The following EXOC6B variants were observed in gnomAD, a reference collection of about 807,000 sequenced individuals.
EXOC6B encodes the protein exocyst complex component 6B, also known as SEC15 homolog B.
In EXOC6B, 54 loss-of-function variants were observed where a neutral mutation model predicts 113.5. The ratio of observed to expected loss-of-function variants is 0.48; its 90% CI spans 0.38 to 0.60. EXOC6B has a LOEUF of 0.60. Ranked by LOEUF, EXOC6B falls within the 20% of genes least tolerant of loss-of-function variation. The pLI is 0.00. For missense variants in EXOC6B, 797 were observed against 977.5 expected (o/e 0.82, Z 2.46); for synonymous variants, 357 against 339.0 (o/e 1.05, Z -0.58).
At chr2:72,747,504 T>C (rs2104839004) in intron 1 of EXOC6B, among the ~76,000 whole-genome samples, 1 of 152,180 alleles carries the variant, frequency 6.6e-6, no homozygotes, top group East Asian at 1.9e-4. Flanking sequence ...TCTTTGATAG[T>C]GATGCAATCC....
intron 6 of EXOC6B, among the ~76,000 whole-genome samples, chr2:72,630,505 A>G (rs1672318967): frequency 1.3e-5 from 2 of 152,156 alleles, no homozygotes; most frequent in African/African-American, 4.8e-5. Context: ...TCCCGGAGTT[A>G]ACTGAATATG....
chr2:72,198,042 C>T (rs952807091), intron 20 of EXOC6B, among the ~76,000 whole-genome samples: 8 of 152,108 alleles, frequency 5.3e-5, no homozygotes, highest in Middle Eastern at 3.2e-3. Context: ...ATTCCCAGAG[C>T]GTTCTCTCAT....
intron 8 of EXOC6B, among the ~76,000 whole-genome samples, chr2:72,537,649 T>C (rs367687126): frequency 4.6e-5 from 7 of 151,870 alleles, no homozygotes; most frequent in East Asian, 3.9e-4. Context: ...TACATATATA[T>C]GGAGATTTTC....
At chr2:72,787,413 T>C (rs912433861) in intron 1 of EXOC6B, among the ~76,000 whole-genome samples, 1 of 151,896 alleles carries the variant, frequency 6.6e-6, no homozygotes, top group Non-Finnish European at 1.5e-5. Context: ...TTGGCTAGGC[T>C]GGTCTCGAAC....
At chr2:72,209,049 C>A (rs780746439) in intron 20 of EXOC6B, among the ~76,000 whole-genome samples, 7 of 151,670 alleles carry the variant, frequency 4.6e-5, no homozygotes, top group Non-Finnish European at 8.8e-5. Flanking sequence ...CATGGAGAAA[C>A]CCCATCTCTA....
chr2:72,407,057 C>A (rs1398657327), intron 18 of EXOC6B, among the ~76,000 whole-genome samples: 7 of 152,138 alleles, frequency 4.6e-5, no homozygotes, highest in Non-Finnish European at 7.3e-5. Flanking sequence ...CACAGAAATA[C>A]AAACTACCAT....
At chr2:72,548,587 G>T (rs1022646517) in intron 8 of EXOC6B, among the ~76,000 whole-genome samples, 1 of 152,118 alleles carries the variant, frequency 6.6e-6, no homozygotes, top group Non-Finnish European at 1.5e-5. Flanking sequence ...CTGATATTGT[G>T]TAACAGTCCC....
chr2:72,542,710 C>T (rs1357857543), intron 8 of EXOC6B, among the ~76,000 whole-genome samples: 2 of 152,162 alleles, frequency 1.3e-5, no homozygotes, highest in Non-Finnish European at 2.9e-5. Context: ...CCTTTTCTCC[C>T]TTATATGATC....
At chr2:72,222,577 C>G (rs1680946343) in intron 20 of EXOC6B, among the ~76,000 whole-genome samples, 1 of 152,014 alleles carries the variant, frequency 6.6e-6, no homozygotes, top group Non-Finnish European at 1.5e-5. Flanking sequence ...CTGGAGAGAG[C>G]ACATAACCTT....
Position 72,715,175 on chromosome 2 carries a change from C to T in EXOC6B, c.669+2928G>A, listed in dbSNP as rs768073195. 1.4e-4 allele frequency among the ~76,000 whole-genome samples: 22 copies of T among 152,018 alleles called. 1 individual carries two copies. Among genetic ancestry groups the T allele is most frequent in the Middle Eastern group, 6.8e-3 (2 of 294 alleles). On this transcript the variant is annotated intron_variant, in intron 6 of 21. Transcript: ENST00000272427. ...CCGAGAGGCAGAGCTTGCAGTGAGC[C>T]GAGATTGCACCAATGCACTCCAGCC...
chr2:72,406,235 C>T (rs1693751271), intron 18 of EXOC6B, among the ~76,000 whole-genome samples: 1 of 152,114 alleles, frequency 6.6e-6, no homozygotes, highest in African/African-American at 2.4e-5. Context: ...GAGACTTAGA[C>T]TCCCACACAA....
At chr2:72,500,584 T>A (rs1411579564) in intron 11 of EXOC6B, among the ~76,000 whole-genome samples, 1 of 115,102 alleles carries the variant, frequency 8.7e-6, no homozygotes, top group African/African-American at 2.5e-5. Flanking sequence ...GATTAAACAA[T>A]AAAGAGAAAA....
chr2:72,769,807 A>G (rs1196364344), intron 1 of EXOC6B, among the ~76,000 whole-genome samples: 1 of 152,124 alleles, frequency 6.6e-6, no homozygotes, highest in Non-Finnish European at 1.5e-5. Context: ...GCAAGACTCC[A>G]TCTCAAAAAT....
intron 7 of EXOC6B, among the ~76,000 whole-genome samples, chr2:72,573,389 C>G (rs1377668890): frequency 6.6e-6 from 1 of 152,186 alleles, no homozygotes; most frequent in Non-Finnish European, 1.5e-5. Flanking sequence ...TGTGCAACTA[C>G]TGTGACTGAT....
In EXOC6B at chr2:72,177,052, C is replaced by A. The variant is rs563129788; in HGVS notation, c.*2283G>T. The A allele has an allele frequency of 6.6e-6, 1 of 152,292 alleles. No individual in the cohort carries two copies. Among genetic ancestry groups the A allele is most frequent in the African/African-American group, 2.4e-5 (1 of 41,560 alleles). The allele number at this position is 152,292 out of a possible 1,614,324, so 9.4% of individuals were successfully genotyped here. A position where few individuals can be genotyped will look rare whatever the true frequency, so the allele number is the denominator to read the frequency against. On this transcript the variant is annotated 3_prime_UTR_variant, in exon 22 of 22. Coordinates refer to ENST00000272427, the MANE Select transcript of EXOC6B (RefSeq NM_015189.3). ...CCCACCAAGAGTATGTCTCTACATA[C>A]AACTCAGTAGCTGCATGTTGTTTTT...
intron 18 of EXOC6B, among the ~76,000 whole-genome samples, chr2:72,435,857 C>T (rs1010928545): frequency 6.6e-6 from 1 of 151,954 alleles, no homozygotes; most frequent in Non-Finnish European, 1.5e-5. Context: ...ATCCAATTTG[C>T]CAGTCTGTGT....
At chr2:72,181,748 T>C (rs1185393693) in intron 21 of EXOC6B, among the ~76,000 whole-genome samples, 1 of 152,086 alleles carries the variant, frequency 6.6e-6, no homozygotes, top group African/African-American at 2.4e-5. Flanking sequence ...TCTTGGCCAT[T>C]AAGACCTGGA....
intron 1 of EXOC6B, among the ~76,000 whole-genome samples, chr2:72,758,493 A>G (rs1682572335): frequency 6.6e-6 from 1 of 152,152 alleles, no homozygotes; most frequent in South Asian, 2.1e-4. Flanking sequence ...AACATTTTAG[A>G]CAAAAATAAA....
chr2:72,653,599 C>CCG (rs1033347236), intron 6 of EXOC6B, among the ~76,000 whole-genome samples: 1 of 88,884 alleles, frequency 1.1e-5, no homozygotes, highest in Non-Finnish European at 2.0e-5. Context: ...TTGCCAGCAA[C>CCG]CCCCCCCCAA....
Sources: allele counts gnomAD v4.1 joint callset (sites outside exome capture counted in the v4.1 genomes callset), GRCh38; gene constraint gnomAD v4.1.1; transcripts MANE v1.5; gene names NCBI Gene and HGNC (gene_info 2026-07-23, HGNC 2026-07-21).